L3MBTL4: variants seen among roughly 807,000 people sequenced by gnomAD.
The protein encoded by L3MBTL4 is lethal(3)malignant brain tumor-like protein 4.
A neutral mutation model predicts 84.5 loss-of-function variants in L3MBTL4; 70 were observed. That is an observed-to-expected ratio of 0.83 (90% confidence interval 0.68 to 1.01). L3MBTL4 has a LOEUF of 1.01. Among genes scored for constraint, L3MBTL4 ranks in the 50% least tolerant of loss-of-function variants. The pLI, the probability that L3MBTL4 is intolerant of heterozygous loss-of-function variation, is 0.00. For missense variants in L3MBTL4, 715 were observed against 754.8 expected (o/e 0.95, Z 0.62); for synonymous variants, 274 against 259.8 (o/e 1.05, Z -0.52).
chr18:6,027,389 G>GTATT (rs2055560553), intron 16 of L3MBTL4, among the ~76,000 whole-genome samples: 1 of 152,194 alleles, frequency 6.6e-6, no homozygotes, highest in Non-Finnish European at 1.5e-5. Flanking sequence ...TGGGTGCATA[G>GTATT]TATTCCATGG....
At chr18:6,259,908 C>G (rs543111956) in intron 5 of L3MBTL4, 57 of 152,210 alleles carry the variant, frequency 3.7e-4, no homozygotes, top group African/African-American at 1.3e-3. Context: ...TTTTAGAACT[C>G]TTATAGTTTG....
At chr18:6,202,171 C>T (rs2045676069) in intron 12 of L3MBTL4, among the ~76,000 whole-genome samples, 1 of 152,154 alleles carries the variant, frequency 6.6e-6, no homozygotes, top group South Asian at 2.1e-4. Context: ...ATCTTCTGTC[C>T]GTAAATCATC....
rs186127885 is a variant in L3MBTL4 at position 6,388,417 on chromosome 18, A to C, written c.-91+26384T>G. On this transcript the variant is annotated intron_variant, in intron 1 of 18. Coordinates refer to ENST00000317931, the MANE Select transcript of L3MBTL4 (RefSeq NM_001330559.2). Reference sequence around the variant, plus strand: ...AAAGTTGATACCTAACAATATAGAAATTTCAGAATAAATTATGGTACATCA... The same window carrying C: ...AAAGTTGATACCTAACAATATAGAACTTTCAGAATAAATTATGGTACATCA... Among the ~76,000 whole-genome samples, 374 of 152,328 alleles carry C rather than the reference A, an allele frequency of 2.5e-3. 3 individuals are homozygous for C. The highest frequency in any genetic ancestry group is 8.4e-3 in the African/African-American group (349 of 41,592).
chr18:6,123,445 T>C (rs1194677679), intron 14 of L3MBTL4, among the ~76,000 whole-genome samples: 1 of 152,146 alleles, frequency 6.6e-6, no homozygotes, highest in Admixed American at 6.5e-5. Flanking sequence ...GTTCTCATGA[T>C]AGTGAATAAT....
chr18:6,397,708 T>C (rs1403811721), intron 1 of L3MBTL4: 1 of 152,018 alleles, frequency 6.6e-6, no homozygotes, highest in Non-Finnish European at 1.5e-5. Context: ...AATAAAAAAT[T>C]AGCCAGGCAT....
intron 16 of L3MBTL4, among the ~76,000 whole-genome samples, chr18:6,006,053 T>C (rs908059273): frequency 1.3e-5 from 2 of 151,792 alleles, no homozygotes; most frequent in African/African-American, 4.8e-5. Flanking sequence ...ATCTATAACA[T>C]ATGCAAGGAA....
chr18:6,280,753 G>A (rs1350670152), intron 4 of L3MBTL4, among the ~76,000 whole-genome samples: 1 of 152,168 alleles, frequency 6.6e-6, no homozygotes, highest in Non-Finnish European at 1.5e-5. Flanking sequence ...CAGTGGAAGA[G>A]CTTTCCCAGC....
intron 14 of L3MBTL4, among the ~76,000 whole-genome samples, chr18:6,102,735 C>A (rs2058873579): frequency 6.6e-6 from 1 of 152,194 alleles, no homozygotes; most frequent in South Asian, 2.1e-4. Context: ...AGGGCAACCT[C>A]CACTGGAGCT....
chr18:5,962,914 C>T (rs2052131707), intron 17 of L3MBTL4, among the ~76,000 whole-genome samples: 1 of 152,214 alleles, frequency 6.6e-6, no homozygotes, highest in Non-Finnish European at 1.5e-5. Flanking sequence ...TATCCCTGCC[C>T]TCTACTCACT....
intron 16 of L3MBTL4, among the ~76,000 whole-genome samples, chr18:5,985,361 T>C (rs985569757): frequency 6.6e-6 from 1 of 152,152 alleles, no homozygotes; most frequent in Non-Finnish European, 1.5e-5. Context: ...CTCTGCTTGT[T>C]CTGTTCCCAG....
At chr18:6,043,798 T>C (rs1244983476) in intron 16 of L3MBTL4, among the ~76,000 whole-genome samples, 1 of 152,242 alleles carries the variant, frequency 6.6e-6, no homozygotes, top group East Asian at 1.9e-4. Flanking sequence ...GCTCCAATAC[T>C]TGTGCTCTTA....
rs1267297586 is a variant in L3MBTL4, at chr18:6,163,247, GGT to G, written c.1096+8579_1096+8580del. Among the ~76,000 whole-genome samples, 25 of 123,500 alleles carry G rather than the reference GGT, an allele frequency of 2.0e-4. 1 individual carries two copies. The highest frequency in any genetic ancestry group is 1.7e-3 in the East Asian group (7 of 4,020). The allele number at this position is 123,500 out of a possible 152,430, so 81.0% of individuals were successfully genotyped here. A position where few individuals can be genotyped will look rare whatever the true frequency, so the allele number is the denominator to read the frequency against. ...TGGAGTAGGGGTGTGTTTGTCTACG[GGT>G]GTGTGTGTGTGGGGGGGGGGTGGGT... On this transcript the variant is annotated intron_variant, in intron 13 of 18. Coordinates refer to ENST00000317931, the MANE Select transcript of L3MBTL4 (RefSeq NM_001330559.2).
chr18:6,166,427 A>C (rs2043660577), intron 13 of L3MBTL4, among the ~76,000 whole-genome samples: 1 of 152,216 alleles, frequency 6.6e-6, no homozygotes, highest in Non-Finnish European at 1.5e-5. Context: ...CATAGTTGGA[A>C]GTAAAGCACT....
chr18:6,292,740 G>A lies in L3MBTL4; in HGVS notation c.127+9163C>T, dbSNP rs1599512538. 3.9e-5 allele frequency among the ~76,000 whole-genome samples: 6 copies of A among 152,280 alleles called. No individual in the cohort carries two copies. The East Asian group carries it at 1.2e-3, about 29-fold the overall frequency. ...TCATAACCAACTAAGACAGAGTCAA[G>A]AAGCCAGGAGGACAAAGTACTCAGG... On this transcript the variant is annotated intron_variant, in intron 4 of 18. Transcript: ENST00000317931.
chr18:6,030,181 G>A (rs2055718690), intron 16 of L3MBTL4: 2 of 826,272 alleles, frequency 2.4e-6, no homozygotes, highest in African/African-American at 3.7e-5. Context: ...TTTTTAGAAA[G>A]ACACACAAGA....
rs181527412 is a variant in L3MBTL4, at chr18:6,161,705, G to A, written c.1096+10123C>T. ...GGCTGCCACTAACTATTTCAGGCCC[G>A]GCGTGCTCATCTGAGCCCGGCTCAA... is the stretch of plus-strand genomic sequence containing the variant. On this transcript the variant is annotated intron_variant, in intron 13 of 18. Transcript: ENST00000317931. Among the ~76,000 whole-genome samples, 4 of 152,168 alleles carry A rather than the reference G, an allele frequency of 2.6e-5. No individual in the cohort carries two copies. In the East Asian group the frequency reaches 5.8e-4, roughly 22 times the overall value.
At chr18:6,345,598 A>G (rs537213148) in intron 1 of L3MBTL4, among the ~76,000 whole-genome samples, 2 of 152,346 alleles carry the variant, frequency 1.3e-5, no homozygotes, top group East Asian at 1.9e-4. Flanking sequence ...GAATAAAATT[A>G]TGAGGTATAA....
At chr18:6,321,398 T>A (rs1184845505) in intron 1 of L3MBTL4, among the ~76,000 whole-genome samples, 1 of 151,700 alleles carries the variant, frequency 6.6e-6, no homozygotes, top group East Asian at 1.9e-4. Context: ...AAACAAATAA[T>A]CCCATCAAAA....
intron 13 of L3MBTL4, among the ~76,000 whole-genome samples, chr18:6,140,838 T>C (rs1248357190): frequency 6.6e-6 from 1 of 152,016 alleles, no homozygotes; most frequent in Non-Finnish European, 1.5e-5. Flanking sequence ...TCCCTGCTTC[T>C]TGTTCAGAGC....
Sources: gnomAD v4.1 joint callset for allele counts (sites outside exome capture counted in the v4.1 genomes callset) on GRCh38, gnomAD v4.1.1 for gene constraint, MANE v1.5 for transcripts, NCBI Gene and HGNC (gene_info 2026-07-23, HGNC 2026-07-21) for gene names.